EVC: variants seen among roughly 807,000 people sequenced by gnomAD.
The protein encoded by EVC is EvC ciliary complex subunit 1.
Under a neutral mutation model 118.9 loss-of-function variants are expected in EVC, and 116 were observed. That is an observed-to-expected ratio of 0.98 (90% CI 0.84 to 1.14). EVC has a LOEUF of 1.14. Ranked by LOEUF, EVC falls within the 50% of genes most tolerant of loss-of-function variation. EVC has a pLI of 0.00. For synonymous variants in EVC, 619 were observed against 534.7 expected (o/e 1.16, Z -2.18); for missense variants, 1,401 against 1,246.4 (o/e 1.12, Z -1.87).
At chr4:5,793,265 A>T (rs985537513) in intron 12 of EVC, among the ~76,000 whole-genome samples, 3 of 152,184 alleles carry the variant, frequency 2.0e-5, no homozygotes, top group African/African-American at 7.2e-5. Flanking sequence ...CGTTAGAGGA[A>T]AGCCAGAAAA....
intron 2 of EVC, among the ~76,000 whole-genome samples, chr4:5,722,960 C>T (rs1048050267): frequency 6.6e-6 from 1 of 152,156 alleles, no homozygotes; most frequent in Non-Finnish European, 1.5e-5. Context: ...TAGCAGAGCC[C>T]GCTCCTTCCC....
chr4:5,743,888 GATA>G lies in EVC; in HGVS notation c.802-1313_802-1311del, dbSNP rs1257617635. Reference sequence around the variant, plus strand: ...CAAATGACTTTCCAATGGCAAAAATGATAATGATGATGATGACATTTATAATGG... The same window carrying G: ...CAAATGACTTTCCAATGGCAAAAATGATGATGATGATGACATTTATAATGG... On this transcript the variant is annotated intron_variant, in intron 6 of 20. Coordinates refer to ENST00000264956, the MANE Select transcript of EVC (RefSeq NM_153717.3). This position sits in a 1 kb window ranked among gnomAD's most constrained non-coding sequence, Gnocchi z 4.7. Among the ~76,000 whole-genome samples the G allele has an allele frequency of 1.9e-4, 29 of 152,294 alleles. No homozygotes were observed. Among genetic ancestry groups the G allele is most frequent in the African/African-American group, 6.5e-4 (27 of 41,576 alleles).
the EVC span, chr4:5,826,000 C>T: frequency 2.7e-5 from 9 of 329,288 alleles, no homozygotes; most frequent in East Asian, 7.8e-5. The surrounding 1 kb of genome is among the most constrained non-coding windows in gnomAD (Gnocchi z 4.4). Context: ...AGCATACACG[C>T]GTGAACACGC....
At chr4:5,729,222 G>C (rs1726384693) in intron 2 of EVC, 85 bp from the exon 3 acceptor site, 2 of 1,223,102 alleles carry the variant, frequency 1.6e-6, no homozygotes, top group African/African-American at 3.0e-5. Flanking sequence ...TATTACAAAT[G>C]GGATGTGGCA....
chr4:5,755,845 C>T lies in EVC; in HGVS notation c.1465-419C>T, dbSNP rs1363171903. ...GGTCCTCAGGGAAGGGCCTCCACCC[C>T]GTGGTCACAGTGGGGCCTGGCTGGT... On this transcript the variant is annotated intron_variant, in intron 10 of 20. Transcript: ENST00000264956. The surrounding 1 kb of genome is among the most constrained non-coding windows in gnomAD (Gnocchi z 4.1). Among the ~76,000 whole-genome samples, 1 of 152,168 alleles carries T rather than the reference C, an allele frequency of 6.6e-6. No individual in the cohort carries two copies. Among genetic ancestry groups the T allele is most frequent in the Non-Finnish European group, 1.5e-5 (1 of 68,022 alleles).
intron 11 of EVC, among the ~76,000 whole-genome samples, chr4:5,776,453 C>G (rs112455983): frequency 0.03 from 4,602 of 152,194 alleles, 73 homozygotes; most frequent in Middle Eastern, 0.075. Flanking sequence ...GCACTGGAAC[C>G]CAACTGTCAG....
Position 5,753,963 on chromosome 4 carries a change from T to C in EVC, c.1464+30T>C, listed in dbSNP as rs377753181. The stretch of plus-strand genomic sequence containing the variant: ...CTCACATCCCCAGCCTCTGCACATG[T>C]GGGTGAGCCAGTTGTAGCTCTGTTC... On this transcript the variant is annotated intron_variant, in intron 10 of 20. Coordinates refer to ENST00000264956, the MANE Select transcript of EVC (RefSeq NM_153717.3). 2.5e-6 allele frequency: 4 copies of C among 1,611,960 alleles called. No individual in the cohort carries two copies. In the African/African-American group the frequency reaches 5.3e-5, roughly 22 times the overall value.
intron 11 of EVC, among the ~76,000 whole-genome samples, chr4:5,770,134 T>G (rs1014021955): frequency 6.6e-6 from 1 of 152,082 alleles, no homozygotes; most frequent in African/African-American, 2.4e-5. Flanking sequence ...TTACTCCCCC[T>G]GGCCACAATA....
At chr4:5,790,016 A>G (rs971039299) in intron 12 of EVC, among the ~76,000 whole-genome samples, 2 of 151,998 alleles carry the variant, frequency 1.3e-5, no homozygotes, top group Non-Finnish European at 2.9e-5. Flanking sequence ...CCCCATCTCT[A>G]CTAAAAATAC....
intron 2 of EVC, among the ~76,000 whole-genome samples, chr4:5,720,518 G>A (rs1372375903): frequency 6.6e-6 from 1 of 152,104 alleles, no homozygotes; most frequent in Non-Finnish European, 1.5e-5. Context: ...CTGTTCCGCA[G>A]CCTTAGCTTA....
At position 5,711,991 on chromosome 4, in the gene EVC, GCATT is replaced by G. The variant is rs1408082587; in HGVS notation, c.174+442_174+445del. Reference sequence around the variant, plus strand: ...GGCCTGAGTCCCAGCTGCCACATTGGCATTCATTTTTTCATTCACCCCACAGTAA... The same window carrying G: ...GGCCTGAGTCCCAGCTGCCACATTGGCATTTTTTCATTCACCCCACAGTAA... On this transcript the variant is annotated intron_variant, in intron 1 of 20. Coordinates refer to ENST00000264956, the MANE Select transcript of EVC (RefSeq NM_153717.3). Among the ~76,000 whole-genome samples the G allele has an allele frequency of 1.1e-4, 16 of 152,258 alleles. 1 individual carries two copies. The highest frequency in any genetic ancestry group is 2.6e-4 in the Admixed American group (4 of 15,300).
At chr4:5,712,476 G>T (rs570729318) in intron 1 of EVC, among the ~76,000 whole-genome samples, 3 of 152,298 alleles carry the variant, frequency 2.0e-5, no homozygotes, top group East Asian at 3.9e-4. Flanking sequence ...CATATAGCAG[G>T]CATTCCATGA....
intron 13 of EVC, among the ~76,000 whole-genome samples, chr4:5,795,664 A>G (rs1019025417): frequency 1.3e-5 from 2 of 152,086 alleles, no homozygotes; most frequent in Non-Finnish European, 2.9e-5. Context: ...AAACAAATAA[A>G]CAAACAAAGA....
intron 17 of EVC, among the ~76,000 whole-genome samples, chr4:5,807,377 A>G (rs958789251): frequency 6.6e-6 from 1 of 152,134 alleles, no homozygotes; most frequent in East Asian, 1.9e-4. Context: ...GTGAGGTAGG[A>G]GCAGGGTGGC....
At position 5,754,015 on chromosome 4, in the gene EVC, G is replaced by T. The variant is rs1013709666; in HGVS notation, c.1464+82G>T. ...CGTGACTGAGCACGGGACGCCGGAG[G>T]TATTCATCAGGCATGAGGTTATCTG... On this transcript the variant is annotated intron_variant, in intron 10 of 20. Coordinates refer to ENST00000264956, the MANE Select transcript of EVC (RefSeq NM_153717.3). This position sits in a 1 kb window ranked among gnomAD's most constrained non-coding sequence, Gnocchi z 5.8. 3.2e-6 allele frequency: 5 copies of T among 1,569,120 alleles called. No individual in the cohort carries two copies. The highest frequency in any genetic ancestry group is 4.4e-6 in the Non-Finnish European group (5 of 1,143,246).
At chr4:5,714,724 G>A (rs10028754) in intron 1 of EVC, among the ~76,000 whole-genome samples, 126,209 of 152,226 alleles carry the variant, frequency 0.83, 52,621 homozygotes, top group African/African-American at 0.91. Context: ...AGGATCAGTT[G>A]TGGTCATGAA....
chr4:5,730,685 G>A (rs1726656370), intron 3 of EVC, among the ~76,000 whole-genome samples: 1 of 151,912 alleles, frequency 6.6e-6, no homozygotes, highest in East Asian at 1.9e-4. Context: ...GCCAGTATGG[G>A]GTCCAGGATC....
the EVC span, chr4:5,821,494 A>AC: frequency 1.9e-6 from 1 of 517,174 alleles, no homozygotes; most frequent in African/African-American, 1.9e-5. This position sits in a 1 kb window ranked among gnomAD's most constrained non-coding sequence, Gnocchi z 4.4. Context: ...CAATGCTAAA[A>AC]CCTGTGGTTC....
intron 1 of EVC, among the ~76,000 whole-genome samples, chr4:5,714,988 A>G (rs1395734599): frequency 3.9e-5 from 5 of 128,598 alleles, no homozygotes; most frequent in African/African-American, 1.2e-4. Context: ...TTTTTTTTCT[A>G]TTTTCTGTAG....
Sources: gnomAD v4.1 joint callset for allele counts (sites outside exome capture counted in the v4.1 genomes callset) on GRCh38, gnomAD v4.1.1 for gene constraint, Gnocchi (gnomAD v3.1) non-coding constraint, MANE v1.5 for transcripts, NCBI Gene and HGNC (gene_info 2026-07-23, HGNC 2026-07-21) for gene names.